The following DLG2 variants were observed in gnomAD, a reference collection of about 807,000 sequenced individuals.
DLG2 encodes the protein discs large MAGUK scaffold protein 2.
A neutral mutation model predicts 132.5 loss-of-function variants in DLG2; 45 were observed. The ratio of observed to expected loss-of-function variants is 0.34; its 90% CI spans 0.27 to 0.44. The LOEUF (loss-of-function observed/expected upper bound fraction) is 0.44, where lower values mean the gene tolerates loss of function less well. DLG2 is among the 20% of genes least tolerant of loss of function. The pLI, the probability that DLG2 is intolerant of heterozygous loss-of-function variation, is 1.00. For missense variants in DLG2, 1,045 were observed against 1,196.9 expected, an observed-to-expected ratio of 0.87 and a Z score of 1.87; for synonymous variants, 424 against 419.6, an observed-to-expected ratio of 1.01 and a Z score of -0.13.
At chr11:85,168,308 C>G (rs965208793) in intron 4 of DLG2, among the ~76,000 whole-genome samples, 1 of 152,090 alleles carries the variant, frequency 6.6e-6, no homozygotes, top group Non-Finnish European at 1.5e-5. Flanking sequence ...AACAGAGGTT[C>G]AGTTCAATAA....
intron 3 of DLG2, among the ~76,000 whole-genome samples, chr11:85,493,999 G>A (rs983007849): frequency 3.3e-5 from 5 of 152,080 alleles, no homozygotes; most frequent in African/African-American, 4.8e-5. Context: ...GCATCCTCTG[G>A]AGGAAAGAAA....
At chr11:84,446,662 T>C (rs771365635) in intron 7 of DLG2, among the ~76,000 whole-genome samples, 18 of 152,006 alleles carry the variant, frequency 1.2e-4, no homozygotes, top group Non-Finnish European at 1.8e-4. Flanking sequence ...AATAGAAACA[T>C]GCATCCTTGT....
chr11:84,057,788 T>A (rs1338057206), intron 11 of DLG2, among the ~76,000 whole-genome samples: 1 of 152,162 alleles, frequency 6.6e-6, no homozygotes, highest in Non-Finnish European at 1.5e-5. Context: ...TAGGAGCAAG[T>A]ACTATTCTTA....
chr11:85,433,102 T>C (rs566696146), intron 3 of DLG2, among the ~76,000 whole-genome samples: 60 of 152,196 alleles, frequency 3.9e-4, no homozygotes, highest in African/African-American at 1.3e-3. Flanking sequence ...AAAATCCTTA[T>C]CATAGAGCAA....
intron 3 of DLG2, among the ~76,000 whole-genome samples, chr11:85,593,473 T>G (rs563744567): frequency 6.6e-6 from 1 of 152,320 alleles, no homozygotes; most frequent in African/African-American, 2.4e-5. Flanking sequence ...AGGTGACTAG[T>G]GCTGAGGTCC....
chr11:84,710,566 A>G (rs558142345), intron 6 of DLG2, among the ~76,000 whole-genome samples: 3 of 151,958 alleles, frequency 2.0e-5, no homozygotes, highest in East Asian at 3.9e-4. Context: ...TGATAGTATC[A>G]TTATTTGCCA....
chr11:85,562,028 T>C (rs2077279470), intron 3 of DLG2, among the ~76,000 whole-genome samples: 1 of 151,830 alleles, frequency 6.6e-6, no homozygotes, highest in South Asian at 2.1e-4. Context: ...TAGTGGCCAA[T>C]ATACTTAACC....
intron 6 of DLG2, among the ~76,000 whole-genome samples, chr11:84,908,135 TATA>T (rs2091723160): frequency 6.6e-6 from 1 of 151,954 alleles, no homozygotes; most frequent in Non-Finnish European, 1.5e-5. Flanking sequence ...CTAAAAAAAA[TATA>T]ATAAGAACCA....
At chr11:83,981,865 A>C (rs2154174968) in intron 11 of DLG2, among the ~76,000 whole-genome samples, 1 of 152,292 alleles carries the variant, frequency 6.6e-6, no homozygotes, top group African/African-American at 2.4e-5. Context: ...TACAATCTTA[A>C]CTTATATTAA....
chr11:85,204,348 G>C (rs1176586433), intron 4 of DLG2, among the ~76,000 whole-genome samples: 1 of 152,074 alleles, frequency 6.6e-6, no homozygotes, highest in Non-Finnish European at 1.5e-5. Flanking sequence ...GCAGGATATA[G>C]CATCAACATA....
At chr11:83,906,251 TCTCTCTCACACA>T (rs2074842527) in intron 15 of DLG2, among the ~76,000 whole-genome samples, 2 of 97,440 alleles carry the variant, frequency 2.1e-5, no homozygotes, top group Admixed American at 1.0e-4. Flanking sequence ...TCTCTCTCTC[TCTCTCTCACACA>T]CACACACACA....
chr11:83,864,967 C>T (rs2062047739), intron 16 of DLG2, among the ~76,000 whole-genome samples: 1 of 152,076 alleles, frequency 6.6e-6, no homozygotes, highest in South Asian at 2.1e-4. Flanking sequence ...AGGCAAGGTA[C>T]CAACAGAATG....
chr11:84,923,560 T>C, intron 6 of DLG2: 1 of 1,000,740 alleles, frequency 1.0e-6, no homozygotes. Context: ...TTAAATACTT[T>C]ACAATGGGAT....
intron 4 of DLG2, among the ~76,000 whole-genome samples, chr11:85,158,129 C>G (rs1325773520): frequency 6.6e-6 from 1 of 151,914 alleles, no homozygotes; most frequent in Non-Finnish European, 1.5e-5. Context: ...AGGAGGTACA[C>G]TATACTCAAA....
chr11:85,491,536 C>A (rs767056085), intron 3 of DLG2, among the ~76,000 whole-genome samples: 3 of 151,996 alleles, frequency 2.0e-5, no homozygotes, highest in Non-Finnish European at 4.4e-5. Flanking sequence ...TCAAAAAAAA[C>A]TATTCTAATT....
intron 18 of DLG2, among the ~76,000 whole-genome samples, chr11:83,751,905 A>T (rs1348866089): frequency 1.3e-5 from 2 of 152,362 alleles, no homozygotes; most frequent in East Asian, 3.9e-4. Context: ...AATGGGAATT[A>T]TTAGCATTGA....
chr11:85,064,262 T>C (rs1160338507), intron 6 of DLG2, among the ~76,000 whole-genome samples: 2 of 151,850 alleles, frequency 1.3e-5, no homozygotes, highest in African/African-American at 4.8e-5. Context: ...TTCAAAAATG[T>C]TCTAATAAAT....
chr11:83,808,201 T>C (rs546185238), intron 17 of DLG2, among the ~76,000 whole-genome samples: 28 of 152,322 alleles, frequency 1.8e-4, no homozygotes, highest in South Asian at 4.1e-4. Flanking sequence ...GCTTGGTCAG[T>C]GCAGGGACCA....
At chr11:83,993,005 G>A (rs941514460) in intron 11 of DLG2, among the ~76,000 whole-genome samples, 3 of 152,110 alleles carry the variant, frequency 2.0e-5, no homozygotes, top group African/African-American at 7.2e-5. Flanking sequence ...TCTAGTGAGG[G>A]TTTGGAGACT....
Sources: allele counts gnomAD v4.1 joint callset (sites outside exome capture counted in the v4.1 genomes callset), GRCh38; gene constraint gnomAD v4.1.1; transcripts MANE v1.5; gene names NCBI Gene and HGNC (gene_info 2026-07-23, HGNC 2026-07-21).